Variants in SEMA4B observed in about 807,000 individuals in gnomAD.
The protein encoded by SEMA4B is semaphorin-4B.
SEMA4B carries 55 observed loss-of-function variants against 88.1 expected under a neutral mutation model. The ratio of observed to expected loss-of-function variants is 0.62; its 90% CI spans 0.50 to 0.78. SEMA4B has a LOEUF of 0.78. SEMA4B is among the 30% of genes least tolerant of loss of function. The probability of loss-of-function intolerance (pLI) is 0.00; values close to 1 mark genes in which losing one functional copy is unlikely to be tolerated. For synonymous variants in SEMA4B, 525 were observed against 473.6 expected, an observed-to-expected ratio of 1.11 and a Z score of -1.41; for missense variants, 1,062 against 1,111.9, an observed-to-expected ratio of 0.96 and a Z score of 0.64.
chr15:90,221,515 ATCCTGTTCACCCAG>A, intron 6 of SEMA4B, 35 bp downstream of exon 6: 1 of 1,605,168 alleles, frequency 6.2e-7, no homozygotes, highest in Non-Finnish European at 8.5e-7. Flanking sequence ...GAGGGCAGGG[ATCCTGTTCACCCAG>A]CCCTAGAAGG....
rs763109285 is a variant in SEMA4B at position 90,228,467 on chromosome 15, A to C, written c.2338A>C (p.Thr780Pro). 6.8e-6 allele frequency: 11 copies of C among 1,609,478 alleles called. No individual in the cohort carries two copies. The highest frequency in any genetic ancestry group is 9.3e-6 in the Non-Finnish European group (11 of 1,178,600). The change falls in exon 14 of 14, where the codon ACC becomes CCC. Residue 780 changes from threonine to proline, a missense_variant. Thr to Pro is a conservative substitution (Grantham distance 38). Coordinates refer to ENST00000411539, the MANE Select transcript of SEMA4B (RefSeq NM_198925.4). ...ACTCAACGGCCTAGGGCCCCCTAGC[A>C]CCCCGCTCGATCACCGAGGGTACCA... ...RPLNGLGPPS[T>P]PLDHRGYQSL...
rs544076910 is a variant in SEMA4B at position 90,223,425 on chromosome 15, G to A, written c.862-134G>A. The A allele has an allele frequency of 4.3e-4, 296 of 683,552 alleles. 2 individuals are homozygous for A. The highest frequency in any genetic ancestry group is 4.2e-4 in the Middle Eastern group (1 of 2,374). The allele number at this position is 683,552 out of a possible 1,614,324, so 42.3% of individuals were successfully genotyped here. A position where few individuals can be genotyped will look rare whatever the true frequency, so the allele number is the denominator to read the frequency against. On this transcript the variant is annotated intron_variant, in intron 7 of 13. Transcript: ENST00000411539. Reference sequence around the variant, plus strand: ...TACACTGCTCTTCCTGACTTTAGATGGAACTTGGTCCTGGCCTTCTCCTGC... The same window carrying A: ...TACACTGCTCTTCCTGACTTTAGATAGAACTTGGTCCTGGCCTTCTCCTGC...
In SEMA4B at chr15:90,217,935, T is replaced by C. The variant is rs566095364; in HGVS notation, c.384+106T>C. ...TGGGAGCAGATACAGCCAGGTATGGTGGGAAGGGCATAAGCTTCTGAGATT... is the reference window on the plus strand; with the variant it reads ...TGGGAGCAGATACAGCCAGGTATGGCGGGAAGGGCATAAGCTTCTGAGATT... On this transcript the variant is annotated intron_variant, in intron 3 of 13. Transcript: ENST00000411539. 2.6e-5 allele frequency: 24 copies of C among 923,558 alleles called. No individual in the cohort carries two copies. The East Asian group carries it at 5.8e-4, about 22-fold the overall frequency. The allele number at this position is 923,558 out of a possible 1,614,324, so 57.2% of individuals were successfully genotyped here. A position where few individuals can be genotyped will look rare whatever the true frequency, so the allele number is the denominator to read the frequency against.
In SEMA4B at chr15:90,209,388, TA is replaced by T. The variant is rs59511944; in HGVS notation, c.157+7660del. ...CAACATGGTGAAACCCCATCTCTACTAAAAAAATATATATATATATACAAAA... is the reference window on the plus strand; with the variant it reads ...CAACATGGTGAAACCCCATCTCTACTAAAAAATATATATATATATACAAAA... On this transcript the variant is annotated intron_variant, in intron 1 of 13. Transcript: ENST00000411539. Among the ~76,000 whole-genome samples the T allele has an allele frequency of 6.9e-3, 1,007 of 146,406 alleles. 14 individuals carry two copies. Among genetic ancestry groups the T allele is most frequent in the African/African-American group, 0.024 (939 of 39,922 alleles).
At chr15:90,219,490 A>C (rs1227522120) in intron 3 of SEMA4B, 1 of 291,786 alleles carries the variant, frequency 3.4e-6, no homozygotes, top group East Asian at 7.3e-5. Context: ...GCTTCTGAAG[A>C]GGATGCTGCT....
chr15:90,217,964 C>CA, intron 3 of SEMA4B, 135 bp downstream of exon 3: 1 of 711,144 alleles, frequency 1.4e-6, no homozygotes, highest in Non-Finnish European at 2.4e-6. Context: ...TGAGATTACC[C>CA]GGCCTGGGTT....
At chr15:90,207,774 C>A (rs1033342981) in intron 1 of SEMA4B, among the ~76,000 whole-genome samples, 2 of 152,134 alleles carry the variant, frequency 1.3e-5, no homozygotes, top group Admixed American at 1.3e-4. Flanking sequence ...AGTCTCTGGA[C>A]GGGGCAGGGG....
At chr15:90,224,044 A>G (rs1459673934) in intron 9 of SEMA4B, 56 bp downstream of exon 9, 2 of 1,549,906 alleles carry the variant, frequency 1.3e-6, no homozygotes. Flanking sequence ...GGGTCCCCAC[A>G]CCATGCTGGG....
rs1962094230 is a variant in SEMA4B at position 90,225,264 on chromosome 15, G to T, written c.1406-18G>T. On this transcript the variant is annotated intron_variant, in intron 10 of 13. Transcript: ENST00000411539. ...GCAGTGGGCTCCACCCAGGGCCTGA[G>T]TCCTGTCCACACCCCAGGTGACGGC... 3 of 1,555,144 alleles carry T rather than the reference G, an allele frequency of 1.9e-6. No homozygotes were observed. Among genetic ancestry groups the T allele is most frequent in the Non-Finnish European group, 1.7e-6 (2 of 1,149,282 alleles).
intron 1 of SEMA4B, among the ~76,000 whole-genome samples, chr15:90,194,459 G>A (rs1960440109): frequency 1.3e-5 from 2 of 152,000 alleles, no homozygotes; most frequent in African/African-American, 2.4e-5. Flanking sequence ...TTGAACCCAC[G>A]AGGCAGAGGT....
rs1323210569 is a variant in SEMA4B, at chr15:90,215,741, G to A, written c.158-1698G>A. On this transcript the variant is annotated intron_variant, in intron 1 of 13. Transcript: ENST00000411539. ...GCAGAAGAATTGCTCGAACCTGGAA[G>A]GCGGAGGTTGCGGTGAGCCGAGATC... is the stretch of plus-strand genomic sequence containing the variant. Among the ~76,000 whole-genome samples the A allele has an allele frequency of 6.6e-5, 10 of 152,272 alleles. No homozygotes were observed. The East Asian group carries it at 1.7e-3, about 27-fold the overall frequency.
Position 90,228,779 on chromosome 15 carries a change from C to T in SEMA4B, c.*136C>T. The T allele has an allele frequency of 5.3e-6, 6 of 1,133,994 alleles. No individual in the cohort carries two copies. The highest frequency in any genetic ancestry group is 6.2e-6 in the Non-Finnish European group (5 of 811,366). The allele number at this position is 1,133,994 out of a possible 1,614,324, so 70.2% of individuals were successfully genotyped here. On this transcript the variant is annotated 3_prime_UTR_variant, in exon 14 of 14. Transcript: ENST00000411539. ...CGGCCCTTGGGAGCCTTGGGGCCAG[C>T]TGGCCTGCTGCTCTCCAGTCAAGTA...
At chr15:90,187,850 C>G (rs1470507226) in intron 1 of SEMA4B, among the ~76,000 whole-genome samples, 7 of 151,746 alleles carry the variant, frequency 4.6e-5, no homozygotes, top group African/African-American at 1.7e-4. Flanking sequence ...ACTAAAAATA[C>G]AAAAATTAGC....
At chr15:90,202,405 G>A (rs1009483496) in intron 1 of SEMA4B, among the ~76,000 whole-genome samples, 5 of 152,082 alleles carry the variant, frequency 3.3e-5, no homozygotes, top group African/African-American at 1.2e-4. Context: ...CCTCCTCAGA[G>A]TGACCTGGGA....
At position 90,225,666 on chromosome 15, in the gene SEMA4B, GC is replaced by G; in HGVS notation, c.1528del (p.Leu510CysfsTer9). 6.4e-7 allele frequency: 1 copy of G among 1,563,648 alleles called. No individual in the cohort carries two copies. Among genetic ancestry groups the G allele is most frequent in the Non-Finnish European group, 8.7e-7 (1 of 1,155,216 alleles). ...NLLLDTHRGL[L>X]YAASHSGVVQ... is the part of the protein sequence containing the mutation. The stretch of plus-strand genomic sequence containing the variant: ...CCCCGTGTCTGGCTGTGCAGGGGCT[GC>G]TGTATGCGGCCTCACACTCGGGCGT... On this transcript the variant is annotated frameshift_variant, in exon 12 of 14. Transcript: ENST00000411539. LOFTEE classifies it high-confidence loss of function.
chr15:90,188,540 G>C (rs978851387), intron 1 of SEMA4B, among the ~76,000 whole-genome samples: 1 of 151,778 alleles, frequency 6.6e-6, no homozygotes, highest in Non-Finnish European at 1.5e-5. Flanking sequence ...AAGCAGGAGA[G>C]TTGCTGGAAC....
intron 1 of SEMA4B, among the ~76,000 whole-genome samples, chr15:90,193,741 C>T (rs1293679295): frequency 6.6e-6 from 1 of 152,056 alleles, no homozygotes; most frequent in Non-Finnish European, 1.5e-5. Context: ...TGGCCAACAT[C>T]AGGTACTGTT....
At chr15:90,209,858 G>A (rs1260035892) in intron 1 of SEMA4B, among the ~76,000 whole-genome samples, 1 of 152,154 alleles carries the variant, frequency 6.6e-6, no homozygotes, top group African/African-American at 2.4e-5. Flanking sequence ...TTGAGTTGCA[G>A]TTCCATGTCA....
chr15:90,205,273 C>T (rs2151598157), intron 1 of SEMA4B, among the ~76,000 whole-genome samples: 1 of 152,348 alleles, frequency 6.6e-6, no homozygotes, highest in African/African-American at 2.4e-5. Context: ...CAGCCAGGGT[C>T]AAGGCTGCCC....
Sources: allele counts gnomAD v4.1 joint callset (sites outside exome capture counted in the v4.1 genomes callset), GRCh38; gene constraint gnomAD v4.1.1; transcripts MANE v1.5; gene names NCBI Gene and HGNC (gene_info 2026-07-23, HGNC 2026-07-21).